LDLRAD1: variants seen among roughly 807,000 people sequenced by gnomAD.
LDLRAD1 encodes the protein low-density lipoprotein receptor class A domain-containing protein 1.
Under a neutral mutation model 24.8 loss-of-function variants are expected in LDLRAD1, and 17 were observed. That is an observed-to-expected ratio of 0.69 (90% CI 0.47 to 1.03). The LOEUF (loss-of-function observed/expected upper bound fraction) is 1.03. Among genes scored for constraint, LDLRAD1 ranks in the 50% least tolerant of loss-of-function variants. The pLI, the probability that LDLRAD1 is intolerant of heterozygous loss-of-function variation, is 0.00. For missense variants in LDLRAD1, 277 were observed against 271.0 expected, an observed-to-expected ratio of 1.02 and a Z score of -0.16; for synonymous variants, 103 against 108.2, an observed-to-expected ratio of 0.95 and a Z score of 0.30.
At chr1:54,014,398 G>A in intron 2 of LDLRAD1, 34 bp from the exon 3 acceptor site, 1 of 1,536,342 alleles carries the variant, frequency 6.5e-7, no homozygotes, top group Non-Finnish European at 8.8e-7. Flanking sequence ...GGGGGTGGTG[G>A]TGATAGGGGG....
Position 54,010,325 on chromosome 1 carries a change from A to G in LDLRAD1, c.426T>C (p.Asp142=), listed in dbSNP as rs769012555. ...ASWIYSDQKC[D]GTNNCGDCSD... Reference sequence around the variant, plus strand: ...AACAGTCCCCGCAGTTGTTAGTGCCATCACATTTTTGGTCTGAGTAGATCC... The same window carrying G: ...AACAGTCCCCGCAGTTGTTAGTGCCGTCACATTTTTGGTCTGAGTAGATCC... Residue 142 remains aspartate (D), a synonymous_variant, in exon 5 of 6, where the codon GAT becomes GAC. Coordinates refer to ENST00000371360, the MANE Select transcript of LDLRAD1 (RefSeq NM_001010978.4). 5.0e-6 allele frequency: 8 copies of G among 1,614,064 alleles called. No homozygotes were observed. In the East Asian group the frequency reaches 1.8e-4, roughly 36 times the overall value.
rs1297012649 is a variant in LDLRAD1 at position 54,008,362 on chromosome 1, T to A, written c.*620A>T. The A allele has an allele frequency of 5.3e-5, 8 of 152,284 alleles. No individual in the cohort carries two copies. The allele number at this position is 152,284 out of a possible 1,614,324, so 9.4% of individuals were successfully genotyped here. A position where few individuals can be genotyped will look rare whatever the true frequency, so the allele number is the denominator to read the frequency against. ...TAGGAAGTGGCATATGTTTCACGTA[T>A]GTGCCATCCATGAAGGCTAAACTCG... On this transcript the variant is annotated 3_prime_UTR_variant, in exon 6 of 6. Coordinates refer to ENST00000371360, the MANE Select transcript of LDLRAD1 (RefSeq NM_001010978.4).
At position 54,014,360 on chromosome 1, in the gene LDLRAD1, G is replaced by A. The variant is rs1029780200; in HGVS notation, c.78C>T (p.Gly26=). The A allele has an allele frequency of 6.0e-6, 9 of 1,500,040 alleles. No homozygotes were observed. The highest frequency in any genetic ancestry group is 1.2e-5 in the South Asian group (1 of 83,430). 92.9% of individuals were successfully genotyped at this position (1,500,040 alleles called of 1,614,324 possible). ...ESKAHPGGEA[G]GGHLCCSRRG... ...GACGTGAGCAGCAGAGGTGGCCGCC[G>A]CCTGCTGTGTGGGGGGGAAACAAGC... Residue 26 remains glycine, a synonymous_variant, in exon 3 of 6, where the codon GGC becomes GGT. Transcript: ENST00000371360.
intron 5 of LDLRAD1, 25 bp from the exon 6 acceptor site, chr1:54,009,155 GA>G: frequency 6.2e-7 from 1 of 1,611,832 alleles, no homozygotes; most frequent in Non-Finnish European, 8.5e-7. Flanking sequence ...GCCAGCAGGA[GA>G]GCAGTTGCTG....
Position 54,009,052 on chromosome 1 carries a change from C to T in LDLRAD1, c.548G>A (p.Arg183Lys). The T allele has an allele frequency of 6.2e-7, 1 of 1,614,030 alleles. No individual in the cohort carries two copies. Among genetic ancestry groups the T allele is most frequent in the Non-Finnish European group, 8.5e-7 (1 of 1,180,014 alleles). ...TFFKYCDCIP[R>K]HLCRDHVQHC... ...CTGTACATGGTCGCGGCAGAGATGC[C>T]TCGGTATACAGTCGCAGTACTTGAA... The change falls in exon 6 of 6, where the codon AGG becomes AAG. Residue 183 changes from arginine (R) to lysine (K), a missense_variant. Coordinates refer to ENST00000371360, the MANE Select transcript of LDLRAD1 (RefSeq NM_001010978.4).
chr1:54,015,337 T>TAGGGG (rs1222745447), intron 2 of LDLRAD1, among the ~76,000 whole-genome samples: 1 of 152,214 alleles, frequency 6.6e-6, no homozygotes, highest in African/African-American at 2.4e-5. Context: ...ATAGCAGTGA[T>TAGGGG]AGGGGACGTC....
chr1:54,008,890 C>T lies in LDLRAD1; in HGVS notation c.*92G>A. The T allele has an allele frequency of 2.9e-6, 3 of 1,042,046 alleles. No homozygotes were observed. The highest frequency in any genetic ancestry group is 3.9e-6 in the Non-Finnish European group (3 of 776,512). The allele number at this position is 1,042,046 out of a possible 1,614,324, so 64.5% of individuals were successfully genotyped here. On this transcript the variant is annotated 3_prime_UTR_variant, in exon 6 of 6. Coordinates refer to ENST00000371360, the MANE Select transcript of LDLRAD1 (RefSeq NM_001010978.4). ...TGTGTAGATCCCATTTCAAAGGCTG[C>T]TTCCTGCCCTTGTGCGCTAGGATTT...
intron 4 of LDLRAD1, among the ~76,000 whole-genome samples, chr1:54,010,791 C>T (rs904348099): frequency 2.6e-5 from 4 of 152,208 alleles, no homozygotes; most frequent in Non-Finnish European, 5.9e-5. Flanking sequence ...ACTGGAACAT[C>T]ACAGGAATAA....
Position 54,012,189 on chromosome 1 carries a change from G to C in LDLRAD1, c.294C>G (p.Gly98=), listed in dbSNP as rs151093352. The C allele has an allele frequency of 1.2e-6, 2 of 1,613,972 alleles. No individual in the cohort carries two copies. The highest frequency in any genetic ancestry group is 1.7e-5 in the Admixed American group (1 of 60,008). Reference sequence around the variant, plus strand: ...CCTCGCCGTGGGTACAGGTGCGAACGCCATCACAGACCCCACTGGCTGGAA... The same window carrying C: ...CCTCGCCGTGGGTACAGGTGCGAACCCCATCACAGACCCCACTGGCTGGAA... ...SCIPASGVCD[G]VRTCTHGEDE... Residue 98 remains glycine, a synonymous_variant, in exon 4 of 6, where the codon GGC becomes GGG. Transcript: ENST00000371360.
At chr1:54,013,064 CG>C (rs901809902) in intron 3 of LDLRAD1, among the ~76,000 whole-genome samples, 3 of 151,898 alleles carry the variant, frequency 2.0e-5, no homozygotes, top group Non-Finnish European at 2.9e-5. Flanking sequence ...GGGGAGGCGG[CG>C]GGGGGGAGCA....
intron 4 of LDLRAD1, among the ~76,000 whole-genome samples, chr1:54,010,703 G>A (rs559568815): frequency 3.3e-4 from 50 of 152,194 alleles, no homozygotes; most frequent in African/African-American, 1.1e-3. Flanking sequence ...CCTCCACAAA[G>A]AGCCTCCTTG....
At chr1:54,017,230 A>G (rs1282939297) in intron 2 of LDLRAD1, 146 bp downstream of exon 2, 7 of 648,646 alleles carry the variant, frequency 1.1e-5, no homozygotes, top group African/African-American at 1.8e-5. Flanking sequence ...ATGGCTGGCC[A>G]GGAAGCTGGG....
chr1:54,012,822 C>A (rs1656117294), intron 3 of LDLRAD1, among the ~76,000 whole-genome samples: 1 of 152,104 alleles, frequency 6.6e-6, no homozygotes. Flanking sequence ...CCCAAACACC[C>A]CTGCGACACG....
chr1:54,008,969 C>T lies in LDLRAD1; in HGVS notation c.*13G>A, dbSNP rs1490826840. 1.2e-6 allele frequency: 2 copies of T among 1,607,472 alleles called. No individual in the cohort carries two copies. The highest frequency in any genetic ancestry group is 4.5e-5 in the East Asian group (2 of 44,646). Reference sequence around the variant, plus strand: ...ATTCCAGCCAGCCTTCCATGCTGGCCTGAGTGGCCCACTCAGGGTCCGGGA... The same window carrying T: ...ATTCCAGCCAGCCTTCCATGCTGGCTTGAGTGGCCCACTCAGGGTCCGGGA... On this transcript the variant is annotated 3_prime_UTR_variant, in exon 6 of 6. Coordinates refer to ENST00000371360, the MANE Select transcript of LDLRAD1 (RefSeq NM_001010978.4).
chr1:54,012,337 C>T (rs943268056), intron 3 of LDLRAD1, 57 bp from the exon 4 acceptor site: 1 of 1,590,728 alleles, frequency 6.3e-7, no homozygotes, highest in Non-Finnish European at 8.6e-7. Flanking sequence ...AAGGACAAAC[C>T]TTCCTCACCT....
chr1:54,018,176 T>C lies in LDLRAD1; in HGVS notation c.-64A>G. ...GAGAGCTCAGCACGGGTTCCCTGCA[T>C]TGTCACCAAGGCCAACCTGGAGGAG... On this transcript the variant is annotated 5_prime_UTR_variant, in exon 1 of 6. The change abolishes an upstream ATG in the 5' untranslated region. Coordinates refer to ENST00000371360, the MANE Select transcript of LDLRAD1 (RefSeq NM_001010978.4). 1 of 1,603,626 alleles carries C rather than the reference T, an allele frequency of 6.2e-7. No homozygotes were observed. The highest frequency in any genetic ancestry group is 1.1e-5 in the South Asian group (1 of 89,522).
At chr1:54,013,571 C>T (rs958158452) in intron 3 of LDLRAD1, among the ~76,000 whole-genome samples, 5 of 151,994 alleles carry the variant, frequency 3.3e-5, no homozygotes, top group African/African-American at 1.2e-4. Flanking sequence ...TGGCCTCTTG[C>T]AGTCTCTTCT....
rs751067486 is a variant in LDLRAD1, at chr1:54,014,370, T to G, written c.74-6A>C. 1.7e-5 allele frequency: 23 copies of G among 1,376,866 alleles called. No individual in the cohort carries two copies. Among genetic ancestry groups the G allele is most frequent in the Admixed American group, 1.6e-4 (7 of 44,680 alleles). 85.3% of individuals were successfully genotyped at this position (1,376,866 alleles called of 1,614,324 possible). ...GCAGAGGTGGCCGCCGCCTGCTGTG[T>G]GGGGGGGAAACAAGCCCGGGGGTGG... On this transcript the variant is annotated splice_region_variant and splice_polypyrimidine_tract_variant and intron_variant, in intron 2 of 5. Coordinates refer to ENST00000371360, the MANE Select transcript of LDLRAD1 (RefSeq NM_001010978.4).
chr1:54,009,357 C>T (rs942886772), intron 5 of LDLRAD1, among the ~76,000 whole-genome samples: 1 of 152,068 alleles, frequency 6.6e-6, no homozygotes, highest in South Asian at 2.1e-4. Flanking sequence ...CTAGTGTGCT[C>T]AAGCTTGTTA....
Sources: gnomAD v4.1 joint callset for allele counts (sites outside exome capture counted in the v4.1 genomes callset) on GRCh38, gnomAD v4.1.1 for gene constraint, MANE v1.5 for transcripts, NCBI Gene and HGNC (gene_info 2026-07-23, HGNC 2026-07-21) for gene names.